SAMD12: variants seen among roughly 807,000 people sequenced by gnomAD.
SAMD12 encodes the protein sterile alpha motif domain containing 12.
In SAMD12, 9 loss-of-function variants were observed where a neutral mutation model predicts 15.0. The ratio of observed to expected loss-of-function variants is 0.60; its 90% CI spans 0.36 to 1.05. The LOEUF (loss-of-function observed/expected upper bound fraction) is 1.05, where lower values mean the gene tolerates loss of function less well. Ranked by LOEUF, SAMD12 falls within the 50% of genes least tolerant of loss-of-function variation. The probability of loss-of-function intolerance (pLI) is 0.01; values close to 1 mark genes in which losing one functional copy is unlikely to be tolerated. For synonymous variants in SAMD12, 86 were observed against 90.1 expected (o/e 0.96, Z 0.25); for missense variants, 230 against 234.2 (o/e 0.98, Z 0.12).
chr8:118,516,271 C>T (rs966305208), intron 2 of SAMD12, among the ~76,000 whole-genome samples: 13 of 152,224 alleles, frequency 8.5e-5, no homozygotes, highest in African/African-American at 3.1e-4. Context: ...CAGTTTATAT[C>T]CTAGTATTAT....
chr8:118,530,448 C>T (rs2131116631), intron 2 of SAMD12, among the ~76,000 whole-genome samples: 1 of 152,286 alleles, frequency 6.6e-6, no homozygotes, highest in African/African-American at 2.4e-5. Context: ...CTAGCTCCCA[C>T]TGATAAGTGA....
chr8:118,376,733 C>T (rs776903336), downstream of SAMD12, among the ~76,000 whole-genome samples: 1 of 151,976 alleles, frequency 6.6e-6, no homozygotes, highest in Non-Finnish European at 1.5e-5. Flanking sequence ...AGAGGGAAGC[C>T]CAAGGATTTC....
chr8:118,530,979 T>C (rs1825668677), intron 2 of SAMD12, among the ~76,000 whole-genome samples: 1 of 152,224 alleles, frequency 6.6e-6, no homozygotes, highest in Non-Finnish European at 1.5e-5. Context: ...TAGCTAGGGC[T>C]ACAGGCACAT....
the SAMD12 span, among the ~76,000 whole-genome samples, chr8:118,132,960 ATG>A: frequency 0.086 from 6,895 of 80,234 alleles, 877 homozygotes; most frequent in South Asian, 0.12. Flanking sequence ...TAGCTAACAT[ATG>A]TGTGTGTGTG....
chr8:118,385,423 G>A (rs1819899882), intron 3 of SAMD12, among the ~76,000 whole-genome samples: 1 of 152,158 alleles, frequency 6.6e-6, no homozygotes, highest in African/African-American at 2.4e-5. Flanking sequence ...AAACTAGGAT[G>A]TTAGCTCTTC....
the SAMD12 span, among the ~76,000 whole-genome samples, chr8:118,155,275 T>A: frequency 6.6e-6 from 1 of 152,158 alleles, no homozygotes; most frequent in Admixed American, 6.6e-5. Flanking sequence ...TAGAACGGAC[T>A]CAACCCTAAA....
At chr8:118,251,353 C>T (rs1228607417) in intron 4 of SAMD12, among the ~76,000 whole-genome samples, 1 of 152,066 alleles carries the variant, frequency 6.6e-6, no homozygotes, top group Non-Finnish European at 1.5e-5. Context: ...AGCAGAATCC[C>T]GTTGCTGCAA....
chr8:118,606,583 AAAAG>A (rs1827990749), intron 1 of SAMD12, among the ~76,000 whole-genome samples: 1 of 150,404 alleles, frequency 6.6e-6, no homozygotes. Flanking sequence ...ATTTAAAAAA[AAAAG>A]AAAAGAAAAG....
chr8:118,570,411 C>T (rs1826975348), intron 2 of SAMD12, among the ~76,000 whole-genome samples: 1 of 152,130 alleles, frequency 6.6e-6, no homozygotes. Context: ...TTCTATATAT[C>T]CATGTGTTCT....
chr8:118,403,335 A>C (rs1820963189), intron 3 of SAMD12, among the ~76,000 whole-genome samples: 1 of 152,070 alleles, frequency 6.6e-6, no homozygotes, highest in East Asian at 1.9e-4. Flanking sequence ...TATAAATATT[A>C]TGTACAGTCT....
chr8:118,416,921 T>C (rs559636874), intron 3 of SAMD12, among the ~76,000 whole-genome samples: 34 of 152,300 alleles, frequency 2.2e-4, no homozygotes, highest in African/African-American at 7.2e-4. Flanking sequence ...TTTTTTTCCA[T>C]GTGAGCAAAC....
chr8:118,198,938 G>A (rs561090337), intron 4 of SAMD12, among the ~76,000 whole-genome samples: 111 of 152,072 alleles, frequency 7.3e-4, no homozygotes, highest in African/African-American at 2.6e-3. Context: ...TAAACTAGAG[G>A]TTATTTATCA....
At chr8:118,350,755 T>G (rs1817924797) in intron 4 of SAMD12, among the ~76,000 whole-genome samples, 1 of 152,204 alleles carries the variant, frequency 6.6e-6, no homozygotes, top group Middle Eastern at 3.2e-3. Flanking sequence ...CGTATTTTGG[T>G]TGCTTCAAAA....
chr8:118,518,488 C>G (rs938080913), intron 2 of SAMD12, among the ~76,000 whole-genome samples: 1 of 152,122 alleles, frequency 6.6e-6, no homozygotes, highest in African/African-American at 2.4e-5. Flanking sequence ...TTCCCTGTAC[C>G]CCAATGCCAA....
At position 118,536,483 on chromosome 8, in the gene SAMD12, C is replaced by CAT. The variant is rs1554581237; in HGVS notation, c.192+44230_192+44231dup. 2.8e-3 allele frequency among the ~76,000 whole-genome samples: 421 copies of CAT among 150,418 alleles called. 5 individuals are homozygous for CAT. Among genetic ancestry groups the CAT allele is most frequent in the African/African-American group, 1.0e-2 (407 of 40,758 alleles). On this transcript the variant is annotated intron_variant, in intron 2 of 3. Transcript: ENST00000314727. ...ACACACACACACACACACACACACA[C>CAT]ATAAATGGATACAGAGGCCCAGACT...
chr8:118,308,369 T>G (rs7818835), intron 4 of SAMD12, among the ~76,000 whole-genome samples: 63,935 of 151,992 alleles, frequency 0.42, 14,254 homozygotes, highest in African/African-American at 0.58. Context: ...ACTTATTATA[T>G]GCAAGGTGTT....
At chr8:118,220,860 C>A (rs1812068844) in intron 4 of SAMD12, among the ~76,000 whole-genome samples, 1 of 152,102 alleles carries the variant, frequency 6.6e-6, no homozygotes, top group African/African-American at 2.4e-5. Context: ...ATCATTGAAC[C>A]AGTGATTATG....
chr8:118,469,996 C>A (rs151266750), intron 2 of SAMD12, among the ~76,000 whole-genome samples: 1 of 152,034 alleles, frequency 6.6e-6, no homozygotes, highest in Non-Finnish European at 1.5e-5. Context: ...TATATACACA[C>A]GCACATACAT....
intron 3 of SAMD12, among the ~76,000 whole-genome samples, chr8:118,430,593 C>T (rs1013851952): frequency 1.3e-5 from 2 of 152,236 alleles, no homozygotes; most frequent in African/African-American, 4.8e-5. Context: ...ATCTCTTGAC[C>T]TTGTGATCCA....
Sources: gnomAD v4.1 joint callset for allele counts (sites outside exome capture counted in the v4.1 genomes callset) on GRCh38, gnomAD v4.1.1 for gene constraint, MANE v1.5 for transcripts, NCBI Gene and HGNC (gene_info 2026-07-23, HGNC 2026-07-21) for gene names.